The following RASGRP3 variants were observed in gnomAD, a reference collection of about 807,000 sequenced individuals.
The protein encoded by RASGRP3 is ras guanyl-releasing protein 3.
Under a neutral mutation model 82.7 loss-of-function variants are expected in RASGRP3, and 54 were observed. The ratio of observed to expected loss-of-function variants is 0.65; its 90% confidence interval spans 0.52 to 0.82. The LOEUF is 0.82. RASGRP3 is among the 40% of genes least tolerant of loss of function. RASGRP3 has a pLI of 0.00. For synonymous variants in RASGRP3, 309 were observed against 300.5 expected (o/e 1.03, Z -0.29); for missense variants, 861 against 828.9 (o/e 1.04, Z -0.48).
At chr2:33,484,250 T>G (rs1036353657) in intron 1 of RASGRP3, among the ~76,000 whole-genome samples, 1 of 152,342 alleles carries the variant, frequency 6.6e-6, no homozygotes, top group Middle Eastern at 3.4e-3. Flanking sequence ...CTGGCCACAC[T>G]CTAACAACTT....
intron 2 of RASGRP3, among the ~76,000 whole-genome samples, chr2:33,452,357 A>G (rs1323584857): frequency 6.6e-6 from 1 of 152,120 alleles, no homozygotes; most frequent in African/African-American, 2.4e-5. Context: ...CCTTTTACAT[A>G]TTGGCTTTGG....
chr2:33,503,937 A>G (rs935042714), intron 1 of RASGRP3, among the ~76,000 whole-genome samples: 5 of 152,184 alleles, frequency 3.3e-5, no homozygotes, highest in African/African-American at 7.2e-5. Flanking sequence ...TGCAACCCCT[A>G]TGCTTTTTGC....
intron 4 of RASGRP3, among the ~76,000 whole-genome samples, chr2:33,519,304 C>G: frequency 6.6e-6 from 1 of 152,170 alleles, no homozygotes; most frequent in Non-Finnish European, 1.5e-5. Flanking sequence ...ATCCTAAATA[C>G]AAAATCTTTT....
intron 10 of RASGRP3, 47 bp downstream of exon 10, chr2:33,527,459 T>C: frequency 6.5e-7 from 1 of 1,543,126 alleles, no homozygotes; most frequent in Non-Finnish European, 8.8e-7. Flanking sequence ...CTTCTGCACC[T>C]TTCTTTCCAG....
Position 33,543,554 on chromosome 2 carries a change from TC to T in RASGRP3, c.1324del (p.Gln442LysfsTer7). 3 of 1,611,738 alleles carry T rather than the reference TC, an allele frequency of 1.9e-6. No homozygotes were observed. The highest frequency in any genetic ancestry group is 2.5e-6 in the Non-Finnish European group (3 of 1,178,170). On this transcript the variant is annotated frameshift_variant, in exon 13 of 18. Transcript: ENST00000403687. LOFTEE classifies it high-confidence loss of function. ...NYDHDHDGYI[S>X]QEDFESIAAN... is the part of the protein sequence containing the mutation. ...TGATCACGACCATGATGGGTACATT[TC>T]CCAAGAGGACTTTGAAAGTATAGCT...
Position 33,527,308 on chromosome 2 carries a change from A to C in RASGRP3, c.979A>C (p.Ile327Leu), listed in dbSNP as rs754952310. 4.3e-6 allele frequency: 7 copies of C among 1,613,866 alleles called. No homozygotes were observed. Among genetic ancestry groups the C allele is most frequent in the Non-Finnish European group, 4.2e-6 (5 of 1,179,840 alleles). ...PDWTEENKVN[I>L]VKMHQLSVTL... ...CTGGACAGAGGAGAACAAAGTGAAC[A>C]TTGTGAAAATGCACCAGCTCTCCGT... is the stretch of plus-strand genomic sequence containing the variant. Residue 327 changes from isoleucine (I) to leucine (L), a missense_variant, in exon 10 of 18, where the codon ATT becomes CTT. Physicochemically the swap from Ile to Leu is conservative, Grantham distance 5 (BLOSUM62 2). Transcript: ENST00000403687.
rs79711858 is a variant in RASGRP3 at position 33,522,677 on chromosome 2, T to C, written c.516+575T>C. 7.3e-4 allele frequency among the ~76,000 whole-genome samples: 111 copies of C among 152,298 alleles called. No individual in the cohort carries two copies. In the East Asian group the frequency reaches 0.02, roughly 27 times the overall value. The stretch of plus-strand genomic sequence containing the variant: ...TGTGATTTCTTAGCCTCCTGCTCTC[T>C]CTCCTCCCGTTATGGTAAACATTTT... On this transcript the variant is annotated intron_variant, in intron 7 of 17. Coordinates refer to ENST00000403687, the MANE Select transcript of RASGRP3 (RefSeq NM_001139488.2).
chr2:33,534,398 TC>T lies in RASGRP3; in HGVS notation c.1160del (p.Ser387CysfsTer20). ...SLVLEPRNSK[S>X]QPTSPTTPNK... is the part of the protein sequence containing the mutation. Reference sequence around the variant, plus strand: ...GGTGCTGGAGCCTAGAAATTCTAAATCGGTAGGTATTATTTTCTCTCCAAGG... The same window carrying T: ...GGTGCTGGAGCCTAGAAATTCTAAATGGTAGGTATTATTTTCTCTCCAAGG... On this transcript the variant is annotated frameshift_variant and splice_region_variant, in exon 11 of 18. Coordinates refer to ENST00000403687, the MANE Select transcript of RASGRP3 (RefSeq NM_001139488.2). LOFTEE classifies it high-confidence loss of function. 6.5e-7 allele frequency: 1 copy of T among 1,540,412 alleles called. No homozygotes were observed. The highest frequency in any genetic ancestry group is 8.9e-7 in the Non-Finnish European group (1 of 1,118,288).
At position 33,480,042 on chromosome 2, in the gene RASGRP3, ATT is replaced by A. The variant is rs397868583; in HGVS notation, c.-261+3354_-261+3355del. 5.4e-3 allele frequency among the ~76,000 whole-genome samples: 716 copies of A among 131,824 alleles called. 1 individual carries two copies. The highest frequency in any genetic ancestry group is 0.016 in the African/African-American group (575 of 34,852). The allele number at this position is 131,824 out of a possible 152,430, so 86.5% of individuals were successfully genotyped here. On this transcript the variant is annotated intron_variant, in intron 1 of 17. Coordinates refer to ENST00000403687, the MANE Select transcript of RASGRP3 (RefSeq NM_001139488.2). ...AAGCTATTTATAGCATGAAAGAGGAATTTTTTTTTTTTTTTTTTTTGAGACAG... is the reference window on the plus strand; with the variant it reads ...AAGCTATTTATAGCATGAAAGAGGAATTTTTTTTTTTTTTTTTTGAGACAG...
chr2:33,452,552 T>C (rs1036354219), intron 2 of RASGRP3, among the ~76,000 whole-genome samples: 1 of 152,140 alleles, frequency 6.6e-6, no homozygotes, highest in African/African-American at 2.4e-5. Context: ...CTGGACCCTG[T>C]GTTTGCAGGG....
At chr2:33,472,806 T>C (rs572172122), upstream of RASGRP3, among the ~76,000 whole-genome samples, 2 of 145,188 alleles carry the variant, frequency 1.4e-5, no homozygotes, top group Non-Finnish European at 3.0e-5. Flanking sequence ...AACATGAAAA[T>C]TGCCGGGCGC....
intron 1 of RASGRP3, among the ~76,000 whole-genome samples, chr2:33,478,108 C>A (rs893774701): frequency 1.3e-5 from 2 of 152,146 alleles, no homozygotes; most frequent in Non-Finnish European, 1.5e-5. Context: ...CTTCTGCGAT[C>A]GAGTTTCCCT....
At position 33,542,697 on chromosome 2, in the gene RASGRP3, T is replaced by C. The variant is rs1391102556; in HGVS notation, c.1279-815T>C. On this transcript the variant is annotated intron_variant, in intron 12 of 17. Transcript: ENST00000403687. The stretch of plus-strand genomic sequence containing the variant: ...TATCACTCTATTTTATTTATTTGTT[T>C]ATTGAGACAGAGTTTTGCTATTGTT... Among the ~76,000 whole-genome samples, 2 of 146,260 alleles carry C rather than the reference T, an allele frequency of 1.4e-5. 1 individual carries two copies.
intron 13 of RASGRP3, among the ~76,000 whole-genome samples, chr2:33,544,928 AT>A: frequency 6.6e-6 from 1 of 152,204 alleles, no homozygotes; most frequent in East Asian, 1.9e-4. Context: ...TCTTAAATTC[AT>A]CTTCATTATA....
At chr2:33,519,850 A>G (rs2151019463) in intron 4 of RASGRP3, 102 bp from the exon 5 acceptor site, 1 of 763,686 alleles carries the variant, frequency 1.3e-6, no homozygotes, top group Non-Finnish European at 2.2e-6. Context: ...ATATAACCCC[A>G]GCATGGTCCT....
At chr2:33,538,761 A>G (rs1673916627) in intron 11 of RASGRP3, among the ~76,000 whole-genome samples, 1 of 151,978 alleles carries the variant, frequency 6.6e-6, no homozygotes, top group African/African-American at 2.4e-5. Flanking sequence ...AAATATGGCC[A>G]GGCGTGGTAG....
At chr2:33,488,173 CACATCCTACT>C (rs1361745906) in intron 1 of RASGRP3, among the ~76,000 whole-genome samples, 2 of 152,262 alleles carry the variant, frequency 1.3e-5, no homozygotes, top group East Asian at 3.9e-4. Flanking sequence ...ACAGAGCAGC[CACATCCTACT>C]ACAAAACAGC....
intron 1 of RASGRP3, among the ~76,000 whole-genome samples, chr2:33,505,323 A>G (rs1045168506): frequency 4.8e-5 from 7 of 146,766 alleles, no homozygotes; most frequent in South Asian, 2.2e-4. Context: ...TTTCTTTGAG[A>G]TGGAGTTTTG....
rs527418805 is a variant in RASGRP3, at chr2:33,487,441, A to G, written c.-261+10734A>G. Among the ~76,000 whole-genome samples, 7 of 152,312 alleles carry G rather than the reference A, an allele frequency of 4.6e-5. No individual in the cohort carries two copies. The South Asian group carries it at 8.3e-4, about 18-fold the overall frequency. On this transcript the variant is annotated intron_variant, in intron 1 of 17. Transcript: ENST00000403687. ...GTAAAGTTGATAGTTCTTGAGATTA[A>G]TTGTATTTGGGTGTGCAGGAAAGGA...
Sources: gnomAD v4.1 joint callset for allele counts (sites outside exome capture counted in the v4.1 genomes callset) on GRCh38, gnomAD v4.1.1 for gene constraint, MANE v1.5 for transcripts, NCBI Gene and HGNC (gene_info 2026-07-23, HGNC 2026-07-21) for gene names.